Variants in ABCA10 observed in about 807,000 individuals in gnomAD.
ABCA10 encodes ATP binding cassette subfamily A member 10.
A neutral mutation model predicts 187.5 loss-of-function variants in ABCA10; 169 were observed. The ratio of observed to expected loss-of-function variants is 0.90; its 90% CI spans 0.80 to 1.02. The LOEUF (loss-of-function observed/expected upper bound fraction) is 1.02. Ranked by LOEUF, ABCA10 falls within the 50% of genes least tolerant of loss-of-function variation. The pLI is 0.00. For missense variants in ABCA10, 1,727 were observed against 1,812.4 expected (o/e 0.95, Z 0.86); for synonymous variants, 574 against 601.8 (o/e 0.95, Z 0.68).
chr17:69,197,439 TC>T (rs1397701711), intron 10 of ABCA10, among the ~76,000 whole-genome samples: 2 of 152,144 alleles, frequency 1.3e-5, no homozygotes, highest in Non-Finnish European at 2.9e-5. Context: ...AGAGAGGCTT[TC>T]CCTCAATCCT....
At chr17:69,166,979 A>G (rs1704766824) in intron 25 of ABCA10, among the ~76,000 whole-genome samples, 1 of 152,214 alleles carries the variant, frequency 6.6e-6, no homozygotes, top group South Asian at 2.1e-4. Context: ...ATAAAAGCTG[A>G]TAACACTCAA....
rs1042240762 is a variant in ABCA10, at chr17:69,193,092, A to G, written c.1780+18T>C. ...AAATCCTTAAATAACTAGTTGGAAT[A>G]AAGAAGCCAAGAATCACCAGCCAAG... On this transcript the variant is annotated intron_variant, in intron 15 of 38. Transcript: ENST00000690296. 1.9e-6 allele frequency: 3 copies of G among 1,581,298 alleles called. No homozygotes were observed. The highest frequency in any genetic ancestry group is 2.6e-6 in the Non-Finnish European group (3 of 1,169,068).
intron 12 of ABCA10, 128 bp from the exon 13 acceptor site, chr17:69,194,117 T>C (rs2074481877): frequency 1.1e-6 from 1 of 921,428 alleles, no homozygotes; most frequent in African/African-American, 1.7e-5. Context: ...ATTTTCCAAT[T>C]GCATAATTAA....
intron 19 of ABCA10, among the ~76,000 whole-genome samples, chr17:69,186,614 A>AACTT (rs2074423942): frequency 6.6e-6 from 1 of 152,156 alleles, no homozygotes; most frequent in Non-Finnish European, 1.5e-5. Context: ...AACCTTTAAT[A>AACTT]ACTTCCCTTT....
chr17:69,237,909 TC>T (rs1182352255), intron 1 of ABCA10, among the ~76,000 whole-genome samples: 1 of 152,096 alleles, frequency 6.6e-6, no homozygotes, highest in Non-Finnish European at 1.5e-5. Flanking sequence ...ACACCTGTAA[TC>T]CTAGCACTTT....
In ABCA10 at chr17:69,225,325, C is replaced by T; in HGVS notation, c.34G>A (p.Gly12Arg). 6.2e-7 allele frequency: 1 copy of T among 1,613,050 alleles called. No individual in the cohort carries two copies. The highest frequency in any genetic ancestry group is 8.5e-7 in the Non-Finnish European group (1 of 1,179,332). Residue 12 changes from glycine (G) to arginine (R), a missense_variant and splice_region_variant, in exon 3 of 39, where the codon GGA becomes AGA. By Grantham distance (125) the Gly-to-Arg change is moderately radical. Transcript: ENST00000690296. ...AAACATTGGTTATTGGACAACACAC[C>T]TTTCATAAAGGAAGCCAAGGCCATC... is the stretch of plus-strand genomic sequence containing the variant. ...NKMALASFMK[G>R]RTVIGTPDEE...
At chr17:69,154,347 C>T in intron 30 of ABCA10, 21 bp from the exon 31 acceptor site, 1 of 1,541,708 alleles carries the variant, frequency 6.5e-7, no homozygotes, top group Non-Finnish European at 8.8e-7. Flanking sequence ...GAGTCACCAT[C>T]AATATTTGAA....
rs1000612289 is a variant in ABCA10, at chr17:69,193,359, T to G, written c.1642-111A>C. 5 of 1,515,662 alleles carry G rather than the reference T, an allele frequency of 3.3e-6. No homozygotes were observed. In the African/African-American group the frequency reaches 5.6e-5, roughly 17 times the overall value. 93.9% of individuals were successfully genotyped at this position (1,515,662 alleles called of 1,614,324 possible). A position where few individuals can be genotyped will look rare whatever the true frequency, so the allele number is the denominator to read the frequency against. The stretch of plus-strand genomic sequence containing the variant: ...GACTCAAATACAGTCCTCCACCAGA[T>G]CCCTAACAAGCTTGCATGGTACTTT... On this transcript the variant is annotated intron_variant, in intron 14 of 38. Coordinates refer to ENST00000690296, the MANE Select transcript of ABCA10 (RefSeq NM_001377321.1).
intron 11 of ABCA10, 29 bp from the exon 12 acceptor site, chr17:69,194,524 A>G (rs1568063897): frequency 1.3e-6 from 2 of 1,534,592 alleles, no homozygotes; most frequent in Admixed American, 3.6e-5. Context: ...TGGAAATTAG[A>G]TTTTGGATTA....
chr17:69,199,660 C>A (rs1182017232), intron 10 of ABCA10, among the ~76,000 whole-genome samples: 2 of 152,186 alleles, frequency 1.3e-5, no homozygotes, highest in Non-Finnish European at 2.9e-5. Context: ...ACTTAGGAGA[C>A]CTAAATAACC....
intron 9 of ABCA10, 79 bp downstream of exon 9, chr17:69,214,625 T>A: frequency 8.1e-7 from 1 of 1,229,986 alleles, no homozygotes; most frequent in Non-Finnish European, 1.1e-6. Flanking sequence ...CTTCTTAAGT[T>A]ACAAATAAAC....
At chr17:69,194,137 T>G (rs1307083875) in intron 12 of ABCA10, 148 bp from the exon 13 acceptor site, 2 of 831,686 alleles carry the variant, frequency 2.4e-6, no homozygotes, top group Non-Finnish European at 1.8e-6. Context: ...ATACATTGAA[T>G]AATTCAGATT....
intron 5 of ABCA10, among the ~76,000 whole-genome samples, chr17:69,221,015 C>T (rs1332911876): frequency 7.2e-5 from 11 of 151,804 alleles, no homozygotes; most frequent in Admixed American, 5.2e-4. Context: ...ATGAGAAGTA[C>T]GGGAATAAAT....
At position 69,187,847 on chromosome 17, in the gene ABCA10, CA is replaced by C. The variant is rs2074433704; in HGVS notation, c.2163del (p.His721GlnfsTer2). ...GACTCATCTCCAGTATTTCTTGTCA[CA>C]TGTATTTTCTCTTGTTTCCCAATGT... is the stretch of plus-strand genomic sequence containing the variant. The part of the protein sequence containing the change: ...DFDIGKQEKI[H>X]VTRNTGDESE... On this transcript the variant is annotated frameshift_variant, in exon 19 of 39. Coordinates refer to ENST00000690296, the MANE Select transcript of ABCA10 (RefSeq NM_001377321.1). LOFTEE classifies it high-confidence loss of function. 6.2e-7 allele frequency: 1 copy of C among 1,613,672 alleles called. No homozygotes were observed. Among genetic ancestry groups the C allele is most frequent in the Non-Finnish European group, 8.5e-7 (1 of 1,179,748 alleles).
Position 69,227,200 on chromosome 17 carries a change from C to A in ABCA10, c.-227G>T, listed in dbSNP as rs1036885177. The A allele has an allele frequency of 6.7e-6, 1 of 148,924 alleles. No individual in the cohort carries two copies. The highest frequency in any genetic ancestry group is 2.1e-4 in the South Asian group (1 of 4,710). The allele number at this position is 148,924 out of a possible 1,614,324, so 9.2% of individuals were successfully genotyped here. A position where few individuals can be genotyped will look rare whatever the true frequency, so the allele number is the denominator to read the frequency against. On this transcript the variant is annotated 5_prime_UTR_variant, in exon 2 of 39. The change creates a new upstream start codon in the 5' untranslated region. Transcript: ENST00000690296. ...TAAGAAAATTCTTGTACAGAAGAGC[C>A]TGAATTTGTTGACGCACGCTTATCT...
At chr17:69,227,677 C>T (rs2074804831) in intron 1 of ABCA10, among the ~76,000 whole-genome samples, 1 of 151,982 alleles carries the variant, frequency 6.6e-6, no homozygotes, top group African/African-American at 2.4e-5. Context: ...GAAGAAACCA[C>T]TTTGCAGTTC....
intron 22 of ABCA10, among the ~76,000 whole-genome samples, chr17:69,177,069 C>T (rs2144782815): frequency 6.6e-6 from 1 of 152,266 alleles, no homozygotes; most frequent in African/African-American, 2.4e-5. Flanking sequence ...TATGCATTAT[C>T]TCCATCTACT....
In ABCA10 at chr17:69,175,527, A is replaced by C; in HGVS notation, c.2770-14T>G. Reference sequence around the variant, plus strand: ...CACTATGTCATCCTGAAAGATGAAAACACATCAGTAAGCTGTTGCAATTGT... The same window carrying C: ...CACTATGTCATCCTGAAAGATGAAACCACATCAGTAAGCTGTTGCAATTGT... On this transcript the variant is annotated splice_polypyrimidine_tract_variant and intron_variant, in intron 22 of 38. Coordinates refer to ENST00000690296, the MANE Select transcript of ABCA10 (RefSeq NM_001377321.1). The C allele has an allele frequency of 6.4e-7, 1 of 1,568,300 alleles. No individual in the cohort carries two copies. Among genetic ancestry groups the C allele is most frequent in the Non-Finnish European group, 8.7e-7 (1 of 1,144,898 alleles).
At chr17:69,225,131 A>G (rs374244596) in intron 3 of ABCA10, among the ~76,000 whole-genome samples, 194 bp downstream of exon 3, 21 of 152,162 alleles carry the variant, frequency 1.4e-4, no homozygotes, top group African/African-American at 5.1e-4. Context: ...AAACAAACAA[A>G]CAAAAGTAAA....
Sources: gnomAD v4.1 joint callset for allele counts (sites outside exome capture counted in the v4.1 genomes callset) on GRCh38, gnomAD v4.1.1 for gene constraint, MANE v1.5 for transcripts, NCBI Gene and HGNC (gene_info 2026-07-23, HGNC 2026-07-21) for gene names.